The following TTN variants were observed in gnomAD, a reference collection of about 807,000 sequenced individuals.
TTN encodes connectin.
Under a neutral mutation model 3,223.0 loss-of-function variants are expected in TTN, and 1,525 were observed. The observed-to-expected ratio is 0.47, with a 90% CI of 0.45 to 0.49. TTN has a LOEUF of 0.49. TTN is among the 20% of genes least tolerant of loss of function. The pLI is 0.00. For synonymous variants in TTN, 14,094 were observed against 15,161.0 expected, an observed-to-expected ratio of 0.93 and a Z score of 5.17; for missense variants, 40,786 against 43,424.0, an observed-to-expected ratio of 0.94 and a Z score of 5.40.
In TTN at chr2:178,734,788, C is replaced by A. The variant is rs1395287554; in HGVS notation, c.15136G>T (p.Val5046Phe). Residue 5046 changes from valine to phenylalanine, a missense_variant, in exon 51 of 363, where the codon GTT becomes TTT. Val to Phe is a conservative substitution (Grantham distance 50). Coordinates refer to ENST00000589042, the MANE Select transcript of TTN (RefSeq NM_001267550.2). Reference sequence around the variant, plus strand: ...CATGAGTAACTCCCACTGTCTTCAACTTTTACATCCGTAATATCAAGTATA... The same window carrying A: ...CATGAGTAACTCCCACTGTCTTCAAATTTTACATCCGTAATATCAAGTATA... ...EAILDITDVK[V>F]EDSGSYSCEA... 1.2e-6 allele frequency: 2 copies of A among 1,613,674 alleles called. No homozygotes were observed. The highest frequency in any genetic ancestry group is 1.3e-5 in the African/African-American group (1 of 74,918).
chr2:178,543,040 T>C (rs1470516645), intron 347 of TTN, 29 bp downstream of exon 347: 2 of 1,510,528 alleles, frequency 1.3e-6, no homozygotes, highest in Non-Finnish European at 1.8e-6. Context: ...ACTTTACTTT[T>C]TTTTTTTTTT....
intron 24 of TTN, chr2:178,778,416 CAAAACAAA>C: frequency 4.4e-6 from 1 of 225,258 alleles, no homozygotes; most frequent in South Asian, 6.9e-5. Context: ...AATTTGGAAA[CAAAACAAA>C]GCAAAACAAG....
At position 178,769,740 on chromosome 2, in the gene TTN, G is replaced by A. The variant is rs2091187701; in HGVS notation, c.8841C>T (p.Asp2947=). The change falls in exon 37 of 363, where the codon GAC becomes GAT. Residue 2947 remains aspartate, a synonymous_variant. Transcript: ENST00000589042. ...QLIIMNTSTE[D]SAEYTFVCGN... ...CACAGACAAATGTGTATTCTGCCGA[G>A]TCCTCTGTGCTGGTGTTCATGATGA... 1 of 1,613,934 alleles carries A rather than the reference G, an allele frequency of 6.2e-7. No homozygotes were observed. The highest frequency in any genetic ancestry group is 8.5e-7 in the Non-Finnish European group (1 of 1,179,952).
chr2:178,799,850 T>C lies in TTN; in HGVS notation c.644A>G (p.Glu215Gly), dbSNP rs770080587. ...CTTTTCAATTCGGGTTTGTCTTGAT[T>C]CTGAGATCTGAGCAGTCGAAACAAT... ...KTIVSTAQIS[E>G]SRQTRIEKKI... is the part of the protein sequence containing the mutation. Residue 215 changes from glutamate (E) to glycine (G), a missense_variant, in exon 5 of 363, where the codon GAA becomes GGA. Coordinates refer to ENST00000589042, the MANE Select transcript of TTN (RefSeq NM_001267550.2). 6.2e-7 allele frequency: 1 copy of C among 1,614,160 alleles called. No homozygotes were observed. The highest frequency in any genetic ancestry group is 2.2e-5 in the East Asian group (1 of 44,876).
chr2:178,802,219 T>C lies in TTN; in HGVS notation c.214A>G (p.Lys72Glu). The C allele has an allele frequency of 1.9e-6, 3 of 1,614,132 alleles. No individual in the cohort carries two copies. Among genetic ancestry groups the C allele is most frequent in the South Asian group, 1.1e-5 (1 of 91,082 alleles). The part of the protein sequence containing the change: ...RAKLTIPAVT[K>E]ANSGRYSLKA... ...AGGGAATATCGTCCACTGTTGGCTTTAGTCACGGCGGGGATCGTCAGTTTA... is the reference window on the plus strand; with the variant it reads ...AGGGAATATCGTCCACTGTTGGCTTCAGTCACGGCGGGGATCGTCAGTTTA... The change falls in exon 3 of 363, where the codon AAA becomes GAA. Residue 72 changes from lysine (K) to glutamate (E), a missense_variant. Physicochemically the swap from Lys to Glu is moderately conservative, Grantham distance 56. Coordinates refer to ENST00000589042, the MANE Select transcript of TTN (RefSeq NM_001267550.2).
At chr2:178,540,005 T>C in intron 351 of TTN, 39 bp from the exon 352 acceptor site, 1 of 1,604,428 alleles carries the variant, frequency 6.2e-7, no homozygotes, top group Non-Finnish European at 8.5e-7. Context: ...GCATTTGGGG[T>C]AGGGGGACTA....
chr2:178,795,099 C>T lies in TTN; in HGVS notation c.1068G>A (p.Glu356=), dbSNP rs144716589. 1.3e-3 allele frequency: 2,086 copies of T among 1,614,072 alleles called. 19 individuals carry two copies. Among genetic ancestry groups the T allele is most frequent in the East Asian group, 3.2e-3 (145 of 44,870 alleles). ...KQEGYVASSS[E]AEMRETTLTT... ...TCAGCGTTGTCTCTCTCATCTCAGCCTCAGATGAGGAGGCCACGTAGCCCT... is the reference window on the plus strand; with the variant it reads ...TCAGCGTTGTCTCTCTCATCTCAGCTTCAGATGAGGAGGCCACGTAGCCCT... The change falls in exon 7 of 363, where the codon GAG becomes GAA. Residue 356 remains glutamate (E), a synonymous_variant. Coordinates refer to ENST00000589042, the MANE Select transcript of TTN (RefSeq NM_001267550.2).
chr2:178,756,332 T>G lies in TTN; in HGVS notation c.11144A>C (p.Gln3715Pro). 1 of 1,613,908 alleles carries G rather than the reference T, an allele frequency of 6.2e-7. No homozygotes were observed. Among genetic ancestry groups the G allele is most frequent in the Non-Finnish European group, 8.5e-7 (1 of 1,179,810 alleles). Residue 3715 changes from glutamine to proline, a missense_variant, in exon 46 of 363, where the codon CAG becomes CCG. Gln to Pro is a moderately conservative substitution (Grantham distance 76, BLOSUM62 -1). Transcript: ENST00000589042. ...RLKQSQNGNI[Q>P]FLTICNVQLV... is the part of the protein sequence containing the mutation. ...CTGAACATTACATATGGTAAGAAACTGAATATTTCCATTTTGTGATTGTTT... is the reference window on the plus strand; with the variant it reads ...CTGAACATTACATATGGTAAGAAACGGAATATTTCCATTTTGTGATTGTTT...
chr2:178,651,637 G>A lies in TTN; in HGVS notation c.39463+29C>T, dbSNP rs369987936. On this transcript the variant is annotated intron_variant, in intron 206 of 362. Transcript: ENST00000589042. The stretch of plus-strand genomic sequence containing the variant: ...TATGACACTTCAAAGAAAGTTTTTT[G>A]TTAGGGAGTTAGTGGCAGTGAGGAA... The A allele has an allele frequency of 2.4e-5, 38 of 1,612,278 alleles. No homozygotes were observed. In the African/African-American group the frequency reaches 4.7e-4, roughly 20 times the overall value.
chr2:178,719,962 T>G, intron 81 of TTN, 21 bp downstream of exon 81: 1 of 1,565,620 alleles, frequency 6.4e-7, no homozygotes, highest in Non-Finnish European at 8.7e-7. Flanking sequence ...ATTTTTTCTC[T>G]GGCTGTGCTT....
At position 178,530,894 on chromosome 2, in the gene TTN, C is replaced by T; in HGVS notation, c.105721G>A (p.Val35241Met). Residue 35241 changes from valine (V) to methionine (M), a missense_variant, in exon 358 of 363, where the codon GTG becomes ATG. By Grantham distance (21) the Val-to-Met change is conservative. Coordinates refer to ENST00000589042, the MANE Select transcript of TTN (RefSeq NM_001267550.2). ...PPRVKSPEPR[V>M]KSPEAVKSPK... ...GACTTAACTGCTTCTGGGGATTTCA[C>T]CCGAGGCTCTGGGGATTTGACTCTT... The T allele has an allele frequency of 7.4e-6, 12 of 1,613,644 alleles. No individual in the cohort carries two copies. The highest frequency in any genetic ancestry group is 1.0e-5 in the Non-Finnish European group (12 of 1,179,810).
chr2:178,790,930 C>G (rs554388930), intron 10 of TTN, 85 bp from the exon 11 acceptor site: 6 of 1,524,314 alleles, frequency 3.9e-6, no homozygotes, highest in Non-Finnish European at 5.4e-6. Context: ...CAGGAAAATA[C>G]AGGATGCTTA....
At chr2:178,644,436 C>A (rs2061615069) in intron 218 of TTN, 112 bp downstream of exon 218, 2 of 777,606 alleles carry the variant, frequency 2.6e-6, no homozygotes, top group African/African-American at 1.8e-5. Flanking sequence ...ATGAATGGGA[C>A]TACTCTCTGA....
rs1312708453 is a variant in TTN, at chr2:178,775,961, A to G, written c.5903T>C (p.Val1968Ala). ...QFEVQKVDRP[V>A]DTTETKEVVK... The stretch of plus-strand genomic sequence containing the variant: ...AACTTCTTTGGTTTCAGTGGTGTCA[A>G]CAGGTCTATCCACTTTTTGTACTTC... The change falls in exon 28 of 363, where the codon GTT becomes GCT. Residue 1968 changes from valine to alanine, a missense_variant. By Grantham distance (64) the Val-to-Ala change is moderately conservative. Transcript: ENST00000589042. 1.9e-6 allele frequency: 3 copies of G among 1,614,032 alleles called. No homozygotes were observed. Among genetic ancestry groups the G allele is most frequent in the East Asian group, 4.5e-5 (2 of 44,900 alleles).
At chr2:178,733,947 C>T in intron 52 of TTN, 55 bp from the exon 53 acceptor site, 3 of 1,475,708 alleles carry the variant, frequency 2.0e-6, no homozygotes, top group Non-Finnish European at 1.8e-6. Flanking sequence ...ACTTTCAACA[C>T]CATCTATATT....
In TTN at chr2:178,748,728, C is replaced by A. The variant is rs1202696267; in HGVS notation, c.11311+4396G>T. On this transcript the variant is annotated intron_variant, in intron 47 of 362. Coordinates refer to ENST00000589042, the MANE Select transcript of TTN (RefSeq NM_001267550.2). ...GCTCTTTTAGAAATTGCAGGTTTAT[C>A]TATAAGACTTATTTTTTCCTGTTGT... 12 of 1,612,510 alleles carry A rather than the reference C, an allele frequency of 7.4e-6. No individual in the cohort carries two copies. In the African/African-American group the frequency reaches 1.5e-4, roughly 20 times the overall value.
chr2:178,702,891 A>G (rs2075249492), intron 106 of TTN, among the ~76,000 whole-genome samples: 2 of 152,360 alleles, frequency 1.3e-5, no homozygotes, highest in Non-Finnish European at 2.9e-5. Context: ...CAAAGTGTAA[A>G]GAAATTATTG....
chr2:178,602,584 G>C lies in TTN; in HGVS notation c.54818C>G (p.Pro18273Arg). ...PEVAGDPIFP[P>R]GPPSCPEVKD... ...AACTTCTGGGCAAGAAGGTGGCCCCGGTGGAACTAATAACAAAAGAAAAAA... is the reference window on the plus strand; with the variant it reads ...AACTTCTGGGCAAGAAGGTGGCCCCCGTGGAACTAATAACAAAAGAAAAAA... Residue 18273 changes from proline to arginine, a missense_variant, in exon 283 of 363, where the codon CCG becomes CGG. Transcript: ENST00000589042. The C allele has an allele frequency of 6.7e-7, 1 of 1,503,092 alleles. No homozygotes were observed. Among genetic ancestry groups the C allele is most frequent in the Non-Finnish European group, 8.9e-7 (1 of 1,128,940 alleles). The allele number at this position is 1,503,092 out of a possible 1,614,324, so 93.1% of individuals were successfully genotyped here.
chr2:178,779,255 T>C lies in TTN; in HGVS notation c.3937A>G (p.Lys1313Glu). 1 of 1,613,862 alleles carries C rather than the reference T, an allele frequency of 6.2e-7. No individual in the cohort carries two copies. Among genetic ancestry groups the C allele is most frequent in the Non-Finnish European group, 8.5e-7 (1 of 1,179,852 alleles). ...LEGMGVTFHC[K>E]MSGYPLPKIA... The stretch of plus-strand genomic sequence containing the variant: ...TTTGGTAATGGATATCCAGACATCT[T>C]GCAATGAAAAGTGACACCCATCCCC... The change falls in exon 23 of 363, where the codon AAG (lysine) becomes GAG (glutamate). Residue 1313 changes from lysine (K) to glutamate (E), a missense_variant. Coordinates refer to ENST00000589042, the MANE Select transcript of TTN (RefSeq NM_001267550.2).
Sources: allele counts gnomAD v4.1 joint callset (sites outside exome capture counted in the v4.1 genomes callset), GRCh38; gene constraint gnomAD v4.1.1; transcripts MANE v1.5; gene names NCBI Gene and HGNC (gene_info 2026-07-23, HGNC 2026-07-21).